ARMC7: variants seen among roughly 807,000 people sequenced by gnomAD.
The protein encoded by ARMC7 is armadillo repeat containing 7, also known as armadillo repeat-containing protein 7.
A neutral mutation model predicts 14.8 loss-of-function variants in ARMC7; 9 were observed. The ratio of observed to expected loss-of-function variants is 0.61; its 90% CI spans 0.37 to 1.06. ARMC7 has a LOEUF of 1.06. Ranked by LOEUF, ARMC7 falls within the 50% of genes least tolerant of loss-of-function variation. The pLI is 0.01. For missense variants in ARMC7, 262 were observed against 267.1 expected, an observed-to-expected ratio of 0.98 and a Z score of 0.13; for synonymous variants, 125 against 123.4, an observed-to-expected ratio of 1.01 and a Z score of -0.09.
Position 75,129,231 on chromosome 17 carries a change from CG to C in ARMC7, c.*195del. 1.3e-6 allele frequency: 1 copy of C among 772,712 alleles called. No homozygotes were observed. Among genetic ancestry groups the C allele is most frequent in the South Asian group, 2.1e-5 (1 of 48,764 alleles). 47.9% of individuals were successfully genotyped at this position (772,712 alleles called of 1,614,324 possible). On this transcript the variant is annotated 3_prime_UTR_variant, in exon 3 of 3. Transcript: ENST00000245543. ...GTGAGGAAGCCAGACTCCAGAGACA[CG>C]GAGAAGATCAAACTGGAGCTGCGTT...
chr17:75,120,400 G>A (rs2074004895), intron 2 of ARMC7, among the ~76,000 whole-genome samples: 1 of 152,046 alleles, frequency 6.6e-6, no homozygotes. Context: ...TAGAGTTCCT[G>A]TGTGTCCTGA....
intron 2 of ARMC7, among the ~76,000 whole-genome samples, chr17:75,116,918 G>A (rs2073977149): frequency 6.6e-6 from 1 of 152,138 alleles, no homozygotes; most frequent in Non-Finnish European, 1.5e-5. Flanking sequence ...CTTTGCTGTG[G>A]CAGCTCTGAG....
intron 2 of ARMC7, among the ~76,000 whole-genome samples, chr17:75,127,695 A>C (rs1048996207): frequency 6.6e-6 from 1 of 152,190 alleles, no homozygotes; most frequent in Non-Finnish European, 1.5e-5. Context: ...CGTGGGCCCA[A>C]GCAGTCCTCC....
At chr17:75,127,686 G>A (rs765082247) in intron 2 of ARMC7, among the ~76,000 whole-genome samples, 7 of 152,104 alleles carry the variant, frequency 4.6e-5, no homozygotes, top group Non-Finnish European at 8.8e-5. Context: ...GCTCCACTTC[G>A]TGGGCCCAAG....
chr17:75,116,798 C>G (rs186142812), intron 2 of ARMC7, among the ~76,000 whole-genome samples: 1 of 152,174 alleles, frequency 6.6e-6, no homozygotes, highest in Non-Finnish European at 1.5e-5. Flanking sequence ...AAGGAAGCTG[C>G]GGTGCAGACA....
chr17:75,120,295 G>A (rs1408710233), intron 2 of ARMC7, among the ~76,000 whole-genome samples: 1 of 152,132 alleles, frequency 6.6e-6, no homozygotes, highest in African/African-American at 2.4e-5. Flanking sequence ...CATGGCGTGT[G>A]AGCTGAGGTC....
chr17:75,114,491 C>T (rs182289832), intron 2 of ARMC7: 116 of 393,108 alleles, frequency 3.0e-4, no homozygotes, highest in African/African-American at 2.2e-3. Context: ...GTCCTGGAGT[C>T]CGCGGTCCCA....
At chr17:75,123,781 CAT>C (rs2074031013) in intron 2 of ARMC7, among the ~76,000 whole-genome samples, 1 of 151,922 alleles carries the variant, frequency 6.6e-6, no homozygotes. Context: ...CGTGGTGGTG[CAT>C]GCCTGTAATC....
rs777796675 is a variant in ARMC7 at position 75,129,053 on chromosome 17, G to A, written c.*15G>A. The A allele has an allele frequency of 1.7e-5, 27 of 1,581,352 alleles. No homozygotes were observed. Among genetic ancestry groups the A allele is most frequent in the Middle Eastern group, 1.8e-4 (1 of 5,516 alleles). ...GGCAGCGCTGATCCATGGAGACTGC[G>A]AGACCGTGGCACCCCTACTGCTGGA... On this transcript the variant is annotated 3_prime_UTR_variant, in exon 3 of 3. Coordinates refer to ENST00000245543, the MANE Select transcript of ARMC7 (RefSeq NM_024585.4).
At chr17:75,111,504 G>C (rs2073922638) in intron 2 of ARMC7, among the ~76,000 whole-genome samples, 1 of 151,484 alleles carries the variant, frequency 6.6e-6, no homozygotes, top group African/African-American at 2.4e-5. Flanking sequence ...AGCACTTTGT[G>C]AGGCCGAAGC....
chr17:75,119,379 C>T (rs1009132963), intron 2 of ARMC7, among the ~76,000 whole-genome samples: 2 of 151,082 alleles, frequency 1.3e-5, no homozygotes, highest in South Asian at 2.1e-4. Flanking sequence ...TGGGTTAGTA[C>T]GAGGCAGGGA....
chr17:75,120,793 G>A (rs1202246641), intron 2 of ARMC7, among the ~76,000 whole-genome samples: 4 of 136,106 alleles, frequency 2.9e-5, no homozygotes, highest in South Asian at 2.4e-4. Context: ...CAGCCTGGGC[G>A]ACAGAGCAAG....
At chr17:75,119,134 A>G (rs2073993585) in intron 2 of ARMC7, among the ~76,000 whole-genome samples, 2 of 137,910 alleles carry the variant, frequency 1.5e-5, no homozygotes, top group Non-Finnish European at 3.1e-5. Flanking sequence ...ACACTGGTAC[A>G]CTGGACTGTA....
chr17:75,114,010 G>C (rs1486334507), intron 2 of ARMC7, among the ~76,000 whole-genome samples: 12 of 152,240 alleles, frequency 7.9e-5, no homozygotes, highest in Admixed American at 7.2e-4. Context: ...GGACCAGAGT[G>C]GGGCCTGCTA....
intron 2 of ARMC7, among the ~76,000 whole-genome samples, chr17:75,124,427 G>C (rs1286709529): frequency 6.6e-6 from 1 of 152,178 alleles, no homozygotes; most frequent in African/African-American, 2.4e-5. Flanking sequence ...GCCCTGCCCA[G>C]GCGCACCTGG....
chr17:75,129,181 T>A lies in ARMC7; in HGVS notation c.*143T>A. On this transcript the variant is annotated 3_prime_UTR_variant, in exon 3 of 3. Transcript: ENST00000245543. ...CGGGTTCTTTCAGCAGGACAGGCAT[T>A]TACACTGATGAAACGCCACTGGGAG... is the stretch of plus-strand genomic sequence containing the variant. The A allele has an allele frequency of 8.3e-7, 1 of 1,204,506 alleles. No individual in the cohort carries two copies. Among genetic ancestry groups the A allele is most frequent in the Non-Finnish European group, 1.1e-6 (1 of 888,030 alleles). The allele number at this position is 1,204,506 out of a possible 1,614,324, so 74.6% of individuals were successfully genotyped here.
intron 2 of ARMC7, among the ~76,000 whole-genome samples, chr17:75,123,384 C>T (rs1382881135): frequency 2.7e-5 from 4 of 146,114 alleles, no homozygotes; most frequent in South Asian, 2.2e-4. Flanking sequence ...GACCGAGTTT[C>T]GCTCTGTCGC....
intron 2 of ARMC7, among the ~76,000 whole-genome samples, chr17:75,126,643 G>A (rs117923598): frequency 0.035 from 5,331 of 151,174 alleles, 140 homozygotes; most frequent in Non-Finnish European, 0.053. Flanking sequence ...GTGCAATGGC[G>A]CAATCTCAGC....
chr17:75,118,639 G>A (rs2073989891), intron 2 of ARMC7, among the ~76,000 whole-genome samples: 1 of 152,166 alleles, frequency 6.6e-6, no homozygotes, highest in Admixed American at 6.6e-5. Flanking sequence ...TAGAGCAATT[G>A]TAGAACTAGT....
Sources: gnomAD v4.1 joint callset for allele counts (sites outside exome capture counted in the v4.1 genomes callset) on GRCh38, gnomAD v4.1.1 for gene constraint, MANE v1.5 for transcripts, NCBI Gene and HGNC (gene_info 2026-07-23, HGNC 2026-07-21) for gene names.